The following VAV2 variants were observed in gnomAD, a reference collection of about 807,000 sequenced individuals.
VAV2 encodes guanine nucleotide exchange factor VAV2.
In VAV2, 67 loss-of-function variants were observed where a neutral mutation model predicts 132.5. The observed-to-expected ratio is 0.51, with a 90% CI of 0.42 to 0.62. VAV2 has a LOEUF of 0.62. Among genes scored for constraint, VAV2 ranks in the 20% least tolerant of loss-of-function variants. VAV2 has a pLI of 0.00. For synonymous variants in VAV2, 492 were observed against 443.5 expected (o/e 1.11, Z -1.37); for missense variants, 938 against 1,153.6 (o/e 0.81, Z 2.71).
intron 3 of VAV2, among the ~76,000 whole-genome samples, chr9:133,848,469 C>A (rs916430653): frequency 7.2e-5 from 11 of 152,196 alleles, no homozygotes; most frequent in Admixed American, 2.0e-4. Context: ...GGTTGACTGG[C>A]CAGCTTGTGA....
intron 1 of VAV2, among the ~76,000 whole-genome samples, chr9:133,967,348 A>C (rs1040169084): frequency 6.6e-6 from 1 of 152,202 alleles, no homozygotes; most frequent in Non-Finnish European, 1.5e-5. Flanking sequence ...AACAGTACAG[A>C]GGGTCCTCAA....
intron 2 of VAV2, among the ~76,000 whole-genome samples, chr9:133,894,708 G>A (rs896162409): frequency 3.9e-5 from 6 of 152,278 alleles, no homozygotes; most frequent in Middle Eastern, 3.4e-3. Flanking sequence ...GAAGGCTGTG[G>A]GCCTCTCCCC....
intron 1 of VAV2, among the ~76,000 whole-genome samples, chr9:133,963,364 A>G (rs1842025492): frequency 6.6e-6 from 1 of 152,184 alleles, no homozygotes; most frequent in Middle Eastern, 3.2e-3. Context: ...GAGGCCATCA[A>G]GCAGGGAGGG....
At chr9:133,875,329 A>T (rs1454690397) in intron 2 of VAV2, among the ~76,000 whole-genome samples, 1 of 152,164 alleles carries the variant, frequency 6.6e-6, no homozygotes, top group Non-Finnish European at 1.5e-5. Flanking sequence ...CCCCCACCAC[A>T]CAGCCCAGCG....
In VAV2 at chr9:133,834,107, A is replaced by G. The variant is rs2510238; in HGVS notation, c.449+165T>C. On this transcript the variant is annotated intron_variant, in intron 4 of 29. Transcript: ENST00000371850. This position sits in a 1 kb window ranked among gnomAD's most constrained non-coding sequence, Gnocchi z 5.9. Reference sequence around the variant, plus strand: ...ATGCATGCCTTCCCACTCAGCACGGAAGCCCACACCATGACCCATCATGAG... The same window carrying G: ...ATGCATGCCTTCCCACTCAGCACGGGAGCCCACACCATGACCCATCATGAG... Among the ~76,000 whole-genome samples, 37,923 of 152,124 alleles carry G rather than the reference A, an allele frequency of 0.25. 5,799 individuals are homozygous for G. Among genetic ancestry groups the G allele is most frequent in the African/African-American group, 0.44 (18,194 of 41,496 alleles).
chr9:133,873,377 G>A (rs986554722), intron 2 of VAV2, among the ~76,000 whole-genome samples: 3 of 152,134 alleles, frequency 2.0e-5, no homozygotes, highest in Admixed American at 2.0e-4. Context: ...ACATACAGAT[G>A]GCAAAGGGCG....
At chr9:133,779,390 G>A (rs1833926506) in intron 21 of VAV2, among the ~76,000 whole-genome samples, 1 of 152,184 alleles carries the variant, frequency 6.6e-6, no homozygotes, top group African/African-American at 2.4e-5. Context: ...GGAGCCCATG[G>A]CTCTCCCAGC....
At chr9:133,985,906 C>T (rs976038400) in intron 1 of VAV2, among the ~76,000 whole-genome samples, 1 of 151,674 alleles carries the variant, frequency 6.6e-6, no homozygotes, top group African/African-American at 2.4e-5. Flanking sequence ...AAACCATAAT[C>T]CAAACTGGAG....
chr9:133,855,989 G>A (rs182788448), intron 3 of VAV2, among the ~76,000 whole-genome samples: 34 of 152,336 alleles, frequency 2.2e-4, no homozygotes, highest in Non-Finnish European at 4.4e-4. Context: ...GAGGAATGAC[G>A]CAATGACCGG....
At chr9:133,934,202 AAC>A (rs1840821259) in intron 2 of VAV2, among the ~76,000 whole-genome samples, 1 of 68,394 alleles carries the variant, frequency 1.5e-5, no homozygotes, top group Admixed American at 1.4e-4. Context: ...TGACTCCCAC[AAC>A]ATGAGAGACT....
rs754226739 is a variant in VAV2, at chr9:133,939,117, G to A, written c.307C>T (p.Arg103Ter). The A allele has an allele frequency of 3.1e-6, 5 of 1,614,128 alleles. No individual in the cohort carries two copies. The highest frequency in any genetic ancestry group is 1.3e-5 in the African/African-American group (1 of 75,040). Reference sequence around the variant, plus strand: ...TGACTGCTCACCTTTCCAAAGTCTCGCACATCGAAGAGGTCAAAGGGGTCA... The same window carrying A: ...TGACTGCTCACCTTTCCAAAGTCTCACACATCGAAGAGGTCAAAGGGGTCA... The part of the protein sequence containing the change: ...LFDPFDLFDV[R>*]DFGKVISAVS... The change falls in exon 2 of 30, where the codon CGA (arginine) becomes TGA (stop). Residue 103 changes from arginine (R) to a stop codon, truncating the protein, a stop_gained. Coordinates refer to ENST00000371850, the MANE Select transcript of VAV2 (RefSeq NM_001134398.2). LOFTEE classifies it high-confidence loss of function.
chr9:133,773,063 A>C, intron 25 of VAV2, among the ~76,000 whole-genome samples: 1 of 145,506 alleles, frequency 6.9e-6, no homozygotes, highest in East Asian at 2.0e-4. Context: ...GCTGGACGGC[A>C]GAGCCTACTG....
intron 10 of VAV2, 107 bp from the exon 11 acceptor site, chr9:133,796,631 C>G: frequency 9.7e-7 from 1 of 1,026,734 alleles, no homozygotes; most frequent in Admixed American, 2.5e-5. Context: ...AGAACTCAGG[C>G]CCAGACGTTT....
intron 2 of VAV2, among the ~76,000 whole-genome samples, chr9:133,881,716 T>G (rs930525306): frequency 6.6e-6 from 1 of 152,198 alleles, no homozygotes; most frequent in African/African-American, 2.4e-5. Context: ...TGATACCAAA[T>G]GTATAATTTA....
chr9:133,868,782 C>T (rs1212542154), intron 2 of VAV2, among the ~76,000 whole-genome samples: 1 of 152,202 alleles, frequency 6.6e-6, no homozygotes, highest in Non-Finnish European at 1.5e-5. Context: ...GGGATGTGAA[C>T]CTGAGCACGT....
In VAV2 at chr9:133,883,247, T is replaced by C. The variant is rs189859446; in HGVS notation, c.322-21815A>G. Reference sequence around the variant, plus strand: ...TGCTCATTTCACGTTCCCCTAATCATGCGAAGAGCCCTGGTAATTGACAAC... The same window carrying C: ...TGCTCATTTCACGTTCCCCTAATCACGCGAAGAGCCCTGGTAATTGACAAC... On this transcript the variant is annotated intron_variant, in intron 2 of 29. Transcript: ENST00000371850. This position sits in a 1 kb window ranked among gnomAD's most constrained non-coding sequence, Gnocchi z 4.2. 4.6e-5 allele frequency among the ~76,000 whole-genome samples: 7 copies of C among 152,322 alleles called. No homozygotes were observed. The highest frequency in any genetic ancestry group is 1.9e-4 in the East Asian group (1 of 5,182).
At position 133,834,274 on chromosome 9, in the gene VAV2, G is replaced by A. The variant is rs146677933; in HGVS notation, c.447C>T (p.Ala149=). 37 of 1,609,360 alleles carry A rather than the reference G, an allele frequency of 2.3e-5. No individual in the cohort carries two copies. In the African/African-American group the frequency reaches 3.1e-4, roughly 13 times the overall value. The change falls in exon 4 of 30, where the codon GCC becomes GCT. Residue 149 remains alanine, a splice_region_variant and synonymous_variant. Coordinates refer to ENST00000371850, the MANE Select transcript of VAV2 (RefSeq NM_001134398.2). The surrounding 1 kb of genome is among the most constrained non-coding windows in gnomAD (Gnocchi z 5.9). Reference sequence around the variant, plus strand: ...CTCCTCCCATCCCCCCGCCTTACTCGGCCAGCTCCTCCAGGCTGCGGTAGA... The same window carrying A: ...CTCCTCCCATCCCCCCGCCTTACTCAGCCAGCTCCTCCAGGCTGCGGTAGA... The part of the protein sequence containing the change: ...DDVYRSLEEL[A]DEHDLGEDIY...
At chr9:133,897,296 G>A (rs1445913407) in intron 2 of VAV2, among the ~76,000 whole-genome samples, 4 of 151,560 alleles carry the variant, frequency 2.6e-5, no homozygotes, top group African/African-American at 2.4e-5. Flanking sequence ...GCGTCCAGGC[G>A]GGTGCCAGCC....
At chr9:133,777,572 G>A (rs1588161000) in intron 22 of VAV2, 109 bp from the exon 23 acceptor site, 1 of 1,092,042 alleles carries the variant, frequency 9.2e-7, no homozygotes, top group Non-Finnish European at 1.3e-6. Context: ...TGGAGGGTGG[G>A]AGAGCCAATG....
Sources: allele counts gnomAD v4.1 joint callset (sites outside exome capture counted in the v4.1 genomes callset), GRCh38; gene constraint gnomAD v4.1.1; non-coding constraint Gnocchi (gnomAD v3.1); transcripts MANE v1.5; gene names NCBI Gene and HGNC (gene_info 2026-07-23, HGNC 2026-07-21).